The following CACNA2D3 variants were observed in gnomAD, a reference collection of about 807,000 sequenced individuals.
The protein encoded by CACNA2D3 is voltage-dependent calcium channel subunit alpha-2/delta-3.
In CACNA2D3, 60 loss-of-function variants were observed where a neutral mutation model predicts 160.6. The observed-to-expected ratio is 0.37, with a 90% CI of 0.30 to 0.46. The LOEUF (loss-of-function observed/expected upper bound fraction) is 0.46. CACNA2D3 is among the 20% of genes least tolerant of loss of function. The pLI is 1.00. For synonymous variants in CACNA2D3, 558 were observed against 492.9 expected (o/e 1.13, Z -1.75); for missense variants, 1,205 against 1,365.0 (o/e 0.88, Z 1.85).
intron 11 of CACNA2D3, among the ~76,000 whole-genome samples, chr3:54,659,861 G>A (rs1699936502): frequency 6.6e-6 from 1 of 152,158 alleles, no homozygotes; most frequent in South Asian, 2.1e-4. Context: ...CTGGCACAGT[G>A]CTAGATGCCT....
At chr3:54,624,190 C>T (rs571583030) in intron 9 of CACNA2D3, among the ~76,000 whole-genome samples, 14 of 152,128 alleles carry the variant, frequency 9.2e-5, no homozygotes, top group South Asian at 2.1e-4. Context: ...GTTATAAAAG[C>T]GAATTAAAGG....
At chr3:54,612,278 C>T (rs913522266) in intron 9 of CACNA2D3, among the ~76,000 whole-genome samples, 3 of 152,166 alleles carry the variant, frequency 2.0e-5, no homozygotes, top group South Asian at 2.1e-4. Flanking sequence ...TGATCTGGGC[C>T]GGTTTCAGGG....
rs74537023 is a variant in CACNA2D3, at chr3:55,042,712, T to C, written c.2987+24395T>C. On this transcript the variant is annotated intron_variant, in intron 35 of 37. Transcript: ENST00000474759. The stretch of plus-strand genomic sequence containing the variant: ...TGAGAAATATTTACAGTTGTGTATT[T>C]ACTACTATAATCAAGATATAGCAAT... 2.6e-5 allele frequency among the ~76,000 whole-genome samples: 4 copies of C among 152,186 alleles called. No individual in the cohort carries two copies. The East Asian group carries it at 7.7e-4, about 29-fold the overall frequency.
chr3:54,975,239 C>T (rs554144139), intron 29 of CACNA2D3, among the ~76,000 whole-genome samples: 96 of 152,268 alleles, frequency 6.3e-4, no homozygotes, highest in South Asian at 8.3e-4. Context: ...GAAAATGTGG[C>T]TGGGCACGAT....
Position 54,822,836 on chromosome 3 carries a change from C to CTTTCT in CACNA2D3, c.1398+5969_1398+5973dup, listed in dbSNP as rs1559595871. Among the ~76,000 whole-genome samples the CTTTCT allele has an allele frequency of 9.4e-4, 78 of 82,868 alleles. 1 individual carries two copies. Among genetic ancestry groups the CTTTCT allele is most frequent in the African/African-American group, 3.8e-3 (68 of 17,668 alleles). The allele number at this position is 82,868 out of a possible 152,430, so 54.4% of individuals were successfully genotyped here. On this transcript the variant is annotated intron_variant, in intron 14 of 37. Transcript: ENST00000474759. Reference sequence around the variant, plus strand: ...CTTTCTTTCTTTCTTTCTTTCTTTTCTTTCTTTCTTTCTTTCTTTCTTTCT... The same window carrying CTTTCT: ...CTTTCTTTCTTTCTTTCTTTCTTTTCTTTCTTTTCTTTCTTTCTTTCTTTCTTTCT...
At chr3:54,370,828 C>T (rs1445421856) in intron 3 of CACNA2D3, among the ~76,000 whole-genome samples, 5 of 142,910 alleles carry the variant, frequency 3.5e-5, no homozygotes, top group Admixed American at 2.1e-4. Context: ...TTCTCACCCC[C>T]GACTCCAGAA....
At chr3:54,766,003 C>G (rs1341625889) in intron 13 of CACNA2D3, among the ~76,000 whole-genome samples, 1 of 151,988 alleles carries the variant, frequency 6.6e-6, no homozygotes, top group Non-Finnish European at 1.5e-5. Context: ...AAAATGAAAC[C>G]ATTACAAGCA....
intron 5 of CACNA2D3, among the ~76,000 whole-genome samples, chr3:54,541,297 A>AAAG (rs1559508175): frequency 3.9e-5 from 5 of 127,284 alleles, no homozygotes; most frequent in East Asian, 2.6e-4. Flanking sequence ...AAAAAAAAAA[A>AAAG]AAAAGAAAAG....
chr3:54,741,086 T>C (rs1435790314), intron 11 of CACNA2D3, among the ~76,000 whole-genome samples: 2 of 152,016 alleles, frequency 1.3e-5, no homozygotes, highest in African/African-American at 2.4e-5. Flanking sequence ...ATGTGGGCCT[T>C]TGGGGTCTCA....
chr3:54,904,444 C>G (rs72876064), intron 27 of CACNA2D3, among the ~76,000 whole-genome samples: 206 of 152,262 alleles, frequency 1.4e-3, no homozygotes, highest in African/African-American at 4.8e-3. Context: ...CTAGACCCTC[C>G]CTCTGACAAA....
chr3:54,958,523 A>G (rs906139211), intron 27 of CACNA2D3, among the ~76,000 whole-genome samples: 14 of 152,142 alleles, frequency 9.2e-5, no homozygotes, highest in Non-Finnish European at 2.1e-4. Flanking sequence ...AGCATTTTGG[A>G]GTCTGGGCAG....
intron 9 of CACNA2D3, among the ~76,000 whole-genome samples, chr3:54,613,805 C>T (rs1040133700): frequency 6.6e-6 from 1 of 152,176 alleles, no homozygotes; most frequent in Non-Finnish European, 1.5e-5. Flanking sequence ...TCTGTTTCCT[C>T]CTACCCCGGA....
At chr3:54,803,039 C>G (rs1703031786) in intron 13 of CACNA2D3, among the ~76,000 whole-genome samples, 1 of 152,106 alleles carries the variant, frequency 6.6e-6, no homozygotes, top group Non-Finnish European at 1.5e-5. Flanking sequence ...GAAAGGACAT[C>G]CACACCAAAA....
At chr3:54,770,861 A>C (rs1320142319) in intron 13 of CACNA2D3, among the ~76,000 whole-genome samples, 1 of 152,236 alleles carries the variant, frequency 6.6e-6, no homozygotes, top group African/African-American at 2.4e-5. Flanking sequence ...GTTTCTGTGA[A>C]TCTGTAAATG....
chr3:54,358,301 A>T (rs1698683433), intron 3 of CACNA2D3, among the ~76,000 whole-genome samples: 1 of 152,264 alleles, frequency 6.6e-6, no homozygotes, highest in Non-Finnish European at 1.5e-5. Context: ...TTTAAAAAGT[A>T]TTATTTATGT....
At chr3:54,592,992 T>G (rs2106758776) in intron 9 of CACNA2D3, among the ~76,000 whole-genome samples, 1 of 152,306 alleles carries the variant, frequency 6.6e-6, no homozygotes, top group Non-Finnish European at 1.5e-5. Flanking sequence ...GTGAGGGGTA[T>G]GTTATGAATC....
chr3:54,231,284 C>G (rs1256792463), intron 2 of CACNA2D3, among the ~76,000 whole-genome samples: 1 of 152,160 alleles, frequency 6.6e-6, no homozygotes, highest in East Asian at 1.9e-4. Flanking sequence ...AGTTCTTAAG[C>G]AGGAGTTACA....
At chr3:54,684,048 GCAACCTCTCTCCCC>G (rs1350172383) in intron 11 of CACNA2D3, among the ~76,000 whole-genome samples, 1 of 139,760 alleles carries the variant, frequency 7.2e-6, no homozygotes, top group Non-Finnish European at 1.5e-5. Context: ...TCGGCTCACT[GCAACCTCTCTCCCC>G]CAGGTTCAAG....
At chr3:54,718,805 A>G (rs1196556608) in intron 11 of CACNA2D3, among the ~76,000 whole-genome samples, 1 of 152,146 alleles carries the variant, frequency 6.6e-6, no homozygotes, top group Non-Finnish European at 1.5e-5. Context: ...CTTCCAATCC[A>G]TTAACAGTCC....
Sources: allele counts gnomAD v4.1 joint callset (sites outside exome capture counted in the v4.1 genomes callset), GRCh38; gene constraint gnomAD v4.1.1; transcripts MANE v1.5; gene names NCBI Gene and HGNC (gene_info 2026-07-23, HGNC 2026-07-21).